HS6ST3: variants seen among roughly 807,000 people sequenced by gnomAD.
HS6ST3 encodes heparan-sulfate 6-O-sulfotransferase 3.
In HS6ST3, 12 loss-of-function variants were observed where a neutral mutation model predicts 36.7. That is an observed-to-expected ratio of 0.33 (90% CI 0.21 to 0.53). The LOEUF is 0.53. Among genes scored for constraint, HS6ST3 ranks in the 20% least tolerant of loss-of-function variants. The pLI is 0.95. For missense variants in HS6ST3, 584 were observed against 640.9 expected (o/e 0.91, Z 0.96); for synonymous variants, 240 against 257.5 (o/e 0.93, Z 0.65).
At chr13:96,267,356 T>C (rs1328391927) in intron 1 of HS6ST3, among the ~76,000 whole-genome samples, 2 of 152,188 alleles carry the variant, frequency 1.3e-5, no homozygotes, top group Admixed American at 6.5e-5. Context: ...TTCAGGTTTC[T>C]TCTTCTAATT....
chr13:96,224,764 C>T (rs1172493212), intron 1 of HS6ST3, among the ~76,000 whole-genome samples: 3 of 152,176 alleles, frequency 2.0e-5, no homozygotes, highest in Admixed American at 6.5e-5. Context: ...GGTTACAGAG[C>T]CACCTAATTG....
intron 1 of HS6ST3, among the ~76,000 whole-genome samples, chr13:96,121,067 A>T (rs1296713836): frequency 1.3e-5 from 2 of 152,212 alleles, no homozygotes; most frequent in African/African-American, 4.8e-5. Flanking sequence ...CTAAAACAGA[A>T]ACTGTTAGAA....
intron 1 of HS6ST3, among the ~76,000 whole-genome samples, chr13:96,342,814 C>T (rs2055137064): frequency 6.6e-6 from 1 of 152,196 alleles, no homozygotes; most frequent in Non-Finnish European, 1.5e-5. Context: ...TTCTGGTCTT[C>T]TCACTGTTGT....
At chr13:96,304,092 G>A (rs1594748002) in intron 1 of HS6ST3, among the ~76,000 whole-genome samples, 1 of 150,916 alleles carries the variant, frequency 6.6e-6, no homozygotes, top group African/African-American at 2.4e-5. Context: ...GCAGTGAGCC[G>A]AGATTGCACC....
chr13:96,578,045 C>T (rs754841312), intron 1 of HS6ST3, among the ~76,000 whole-genome samples: 15 of 152,150 alleles, frequency 9.9e-5, no homozygotes, highest in Non-Finnish European at 1.6e-4. Context: ...GCCCAAGAAT[C>T]GGGCTGGTTA....
At chr13:96,682,351 A>G (rs897909003) in intron 1 of HS6ST3, among the ~76,000 whole-genome samples, 2 of 152,176 alleles carry the variant, frequency 1.3e-5, no homozygotes, top group Admixed American at 1.3e-4. Flanking sequence ...CAAGCTCAGT[A>G]AAATCTTGCC....
At chr13:96,292,100 T>C (rs1405866910) in intron 1 of HS6ST3, among the ~76,000 whole-genome samples, 1 of 152,116 alleles carries the variant, frequency 6.6e-6, no homozygotes, top group African/African-American at 2.4e-5. Flanking sequence ...ATGGGATACT[T>C]TTTTTGTAAA....
chr13:96,593,170 C>CTTT (rs2056388974), intron 1 of HS6ST3, among the ~76,000 whole-genome samples: 1 of 50,284 alleles, frequency 2.0e-5, no homozygotes, highest in African/African-American at 6.6e-5. Context: ...TATTTTCTTT[C>CTTT]TTTCTTTTTT....
intron 1 of HS6ST3, among the ~76,000 whole-genome samples, chr13:96,413,237 T>A (rs541652613): frequency 2.9e-4 from 44 of 152,342 alleles, no homozygotes; most frequent in African/African-American, 1.0e-3. Flanking sequence ...CATACTGCCA[T>A]GAGTATTATT....
At chr13:96,391,831 G>T (rs574111283) in intron 1 of HS6ST3, among the ~76,000 whole-genome samples, 2 of 152,298 alleles carry the variant, frequency 1.3e-5, no homozygotes, top group Middle Eastern at 3.4e-3. Context: ...TCCATGACAC[G>T]TGGGAATTGT....
chr13:96,330,345 G>T (rs185290553), intron 1 of HS6ST3, among the ~76,000 whole-genome samples: 1 of 151,194 alleles, frequency 6.6e-6, no homozygotes, highest in Non-Finnish European at 1.5e-5. Flanking sequence ...CATGTTTAGC[G>T]CTTCCTTCAG....
chr13:96,218,337 C>G (rs1387768215), intron 1 of HS6ST3, among the ~76,000 whole-genome samples: 3 of 152,172 alleles, frequency 2.0e-5, no homozygotes, highest in Non-Finnish European at 4.4e-5. Context: ...ACCACCAAAC[C>G]CAGTGGGAAG....
intron 1 of HS6ST3, among the ~76,000 whole-genome samples, chr13:96,679,841 C>A (rs868527728): frequency 2.0e-5 from 3 of 152,120 alleles, no homozygotes; most frequent in South Asian, 2.1e-4. Flanking sequence ...GTGCTGGGGT[C>A]CAACAATGGG....
chr13:96,435,943 A>G (rs573712029), intron 1 of HS6ST3, among the ~76,000 whole-genome samples: 1 of 152,200 alleles, frequency 6.6e-6, no homozygotes, highest in African/African-American at 2.4e-5. Flanking sequence ...GTAGCTCCCA[A>G]GTGCCATGTC....
At chr13:96,104,324 C>G (rs1473378404) in intron 1 of HS6ST3, among the ~76,000 whole-genome samples, 2 of 152,174 alleles carry the variant, frequency 1.3e-5, no homozygotes, top group African/African-American at 4.8e-5. Flanking sequence ...AAGCCTAGTA[C>G]TGATCAACTC....
At chr13:96,205,003 G>T (rs990851189) in intron 1 of HS6ST3, among the ~76,000 whole-genome samples, 1 of 151,998 alleles carries the variant, frequency 6.6e-6, no homozygotes, top group Non-Finnish European at 1.5e-5. Context: ...TGAACTGGAG[G>T]AGATAGAGAC....
At chr13:96,534,866 A>G (rs1478701619) in intron 1 of HS6ST3, among the ~76,000 whole-genome samples, 2 of 152,214 alleles carry the variant, frequency 1.3e-5, no homozygotes, top group Non-Finnish European at 2.9e-5. Context: ...AGGCTGAGAC[A>G]GGAGAATCCC....
At chr13:96,201,380 G>C (rs2054341117) in intron 1 of HS6ST3, among the ~76,000 whole-genome samples, 1 of 151,584 alleles carries the variant, frequency 6.6e-6, no homozygotes, top group Non-Finnish European at 1.5e-5. Context: ...TTCCACCCCA[G>C]GTTTCTGTGA....
At chr13:96,331,612 CAG>C in intron 1 of HS6ST3, among the ~76,000 whole-genome samples, 1 of 152,254 alleles carries the variant, frequency 6.6e-6, no homozygotes. Context: ...TTTAAGTCTG[CAG>C]AGGTTACTGC....
Sources: gnomAD v4.1 joint callset for allele counts (sites outside exome capture counted in the v4.1 genomes callset) on GRCh38, gnomAD v4.1.1 for gene constraint, MANE v1.5 for transcripts, NCBI Gene and HGNC (gene_info 2026-07-23, HGNC 2026-07-21) for gene names.